The following KIAA1328 variants were observed in gnomAD, a reference collection of about 807,000 sequenced individuals.
KIAA1328 encodes the protein KIAA1328.
A neutral mutation model predicts 68.1 loss-of-function variants in KIAA1328; 52 were observed. The observed-to-expected ratio is 0.76, with a 90% confidence interval of 0.61 to 0.96. KIAA1328 has a LOEUF of 0.96. Among genes scored for constraint, KIAA1328 ranks in the 40% least tolerant of loss-of-function variants. The pLI, the probability that KIAA1328 is intolerant of heterozygous loss-of-function variation, is 0.00. For missense variants in KIAA1328, 641 were observed against 677.6 expected (o/e 0.95, Z 0.60); for synonymous variants, 232 against 239.4 (o/e 0.97, Z 0.28).
chr18:36,989,444 T>A (rs771722239), intron 6 of KIAA1328, among the ~76,000 whole-genome samples: 1 of 152,170 alleles, frequency 6.6e-6, no homozygotes, highest in African/African-American at 2.4e-5. Context: ...GGTAGGACAG[T>A]GTGTTAGAGA....
intron 6 of KIAA1328, among the ~76,000 whole-genome samples, chr18:36,981,506 A>G (rs2052685377): frequency 6.6e-6 from 1 of 152,228 alleles, no homozygotes. Context: ...GTCAAGGATT[A>G]TTAAGCCATT....
chr18:37,049,702 T>C (rs1231024970), intron 6 of KIAA1328, among the ~76,000 whole-genome samples: 2 of 152,130 alleles, frequency 1.3e-5, no homozygotes, highest in East Asian at 3.9e-4. Flanking sequence ...GAAATGAACA[T>C]ACAGGCTTAA....
chr18:37,058,198 G>A (rs1445791545), intron 6 of KIAA1328, among the ~76,000 whole-genome samples: 1 of 152,096 alleles, frequency 6.6e-6, no homozygotes, highest in African/African-American at 2.4e-5. Flanking sequence ...CAGCTTGTTT[G>A]TGATTAGCTG....
At chr18:36,995,534 A>G (rs977488767) in intron 6 of KIAA1328, among the ~76,000 whole-genome samples, 4 of 152,032 alleles carry the variant, frequency 2.6e-5, no homozygotes, top group Non-Finnish European at 5.9e-5. Context: ...CCATTCCTTT[A>G]CTGTAAAAAT....
chr18:37,120,180 TA>T (rs200822694), intron 7 of KIAA1328, among the ~76,000 whole-genome samples: 2,281 of 151,636 alleles, frequency 0.015, 38 homozygotes, highest in Non-Finnish European at 0.02. Flanking sequence ...AAGCATAGAT[TA>T]AAAAAAAATT....
chr18:36,987,863 C>T (rs932027963), intron 6 of KIAA1328, among the ~76,000 whole-genome samples: 1 of 151,788 alleles, frequency 6.6e-6, no homozygotes, highest in African/African-American at 2.4e-5. Flanking sequence ...AAAAGAACTG[C>T]ATATTTTTTC....
intron 7 of KIAA1328, among the ~76,000 whole-genome samples, chr18:37,091,300 A>AGAAGC (rs1456851262): frequency 1.3e-5 from 2 of 152,210 alleles, no homozygotes. Flanking sequence ...AGAAGGAGAG[A>AGAAGC]GAAGCAAAGC....
At chr18:36,859,174 A>G (rs1032119979) in intron 4 of KIAA1328, among the ~76,000 whole-genome samples, 1 of 152,082 alleles carries the variant, frequency 6.6e-6, no homozygotes, top group Admixed American at 6.5e-5. Context: ...ATCTGTGTGT[A>G]TCTTTATACT....
chr18:37,030,513 G>C lies in KIAA1328; in HGVS notation c.577-36377G>C, dbSNP rs1446658835. ...TAATTCCCTTATTGTCAGAAAATGT[G>C]TCTTCCACAATTTCAATATCTTGAA... On this transcript the variant is annotated intron_variant, in intron 6 of 9. Transcript: ENST00000280020. Among the ~76,000 whole-genome samples, 3 of 151,952 alleles carry C rather than the reference G, an allele frequency of 2.0e-5. No homozygotes were observed. The South Asian group carries it at 6.2e-4, about 32-fold the overall frequency.
In KIAA1328 at chr18:37,008,255, G is replaced by A. The variant is rs564619821; in HGVS notation, c.576+48820G>A. ...GGGTGTTCCCTCATTTTGTGTATGG[G>A]CAACACAAGTACTATGCTATGCATG... On this transcript the variant is annotated intron_variant, in intron 6 of 9. Transcript: ENST00000280020. Among the ~76,000 whole-genome samples, 10 of 152,324 alleles carry A rather than the reference G, an allele frequency of 6.6e-5. No homozygotes were observed. In the East Asian group the frequency reaches 1.7e-3, roughly 26 times the overall value.
intron 4 of KIAA1328, among the ~76,000 whole-genome samples, chr18:36,844,641 A>AT: frequency 6.6e-6 from 1 of 151,898 alleles, no homozygotes; most frequent in Non-Finnish European, 1.5e-5. Context: ...GTTACCTTTG[A>AT]TTTTTCCTTC....
intron 8 of KIAA1328, among the ~76,000 whole-genome samples, chr18:37,172,611 G>A (rs925668189): frequency 2.0e-5 from 3 of 152,330 alleles, no homozygotes; most frequent in South Asian, 2.1e-4. Context: ...AGGGTTTAGA[G>A]TTACAAAGTG....
intron 6 of KIAA1328, among the ~76,000 whole-genome samples, chr18:36,997,753 G>A (rs753333379): frequency 5.9e-5 from 9 of 152,182 alleles, no homozygotes; most frequent in Non-Finnish European, 1.2e-4. Flanking sequence ...GCTGTAAAAT[G>A]AGCAATCTGG....
chr18:37,138,978 A>T (rs2058706996), intron 7 of KIAA1328, among the ~76,000 whole-genome samples: 2 of 84,840 alleles, frequency 2.4e-5, no homozygotes, highest in African/African-American at 5.2e-5. Context: ...TTTTTTTGAG[A>T]CGAAGTCTCG....
intron 8 of KIAA1328, among the ~76,000 whole-genome samples, chr18:37,162,078 A>G (rs1362354680): frequency 3.9e-5 from 6 of 152,236 alleles, no homozygotes; most frequent in Admixed American, 3.9e-4. Context: ...TAGTCTGCTG[A>G]CATTTCAGCA....
intron 4 of KIAA1328, among the ~76,000 whole-genome samples, chr18:36,873,833 C>G (rs1288666214): frequency 2.6e-5 from 4 of 152,292 alleles, no homozygotes; most frequent in East Asian, 1.9e-4. Context: ...TGCTATCCCT[C>G]TCTTGTCTCT....
chr18:37,202,950 A>C (rs1459197447), intron 9 of KIAA1328, among the ~76,000 whole-genome samples: 1 of 152,090 alleles, frequency 6.6e-6, no homozygotes, highest in African/African-American at 2.4e-5. Context: ...TTCAAAAAGC[A>C]AAAACCTTTA....
intron 6 of KIAA1328, among the ~76,000 whole-genome samples, chr18:37,028,040 G>T (rs1395752481): frequency 1.3e-5 from 2 of 152,080 alleles, no homozygotes; most frequent in Non-Finnish European, 2.9e-5. Context: ...TCAAAAAGTG[G>T]GTGAAGGATA....
intron 5 of KIAA1328, among the ~76,000 whole-genome samples, chr18:36,906,125 A>G (rs2049211970): frequency 1.3e-5 from 2 of 152,082 alleles, no homozygotes; most frequent in South Asian, 4.1e-4. Context: ...CCCTCTTTCA[A>G]TGAGGTTATT....
Sources: allele counts gnomAD v4.1 joint callset (sites outside exome capture counted in the v4.1 genomes callset), GRCh38; gene constraint gnomAD v4.1.1; transcripts MANE v1.5; gene names NCBI Gene and HGNC (gene_info 2026-07-23, HGNC 2026-07-21).